The following NBAS variants were observed in gnomAD, a reference collection of about 807,000 sequenced individuals.
The protein encoded by NBAS is NBAS subunit of NRZ tethering complex.
In NBAS, 219 loss-of-function variants were observed where a neutral mutation model predicts 302.5. The observed-to-expected ratio is 0.72, with a 90% CI of 0.65 to 0.81. The LOEUF is 0.81. Among genes scored for constraint, NBAS ranks in the 30% least tolerant of loss-of-function variants. NBAS has a pLI of 0.00. For missense variants in NBAS, 2,932 were observed against 2,841.6 expected (o/e 1.03, Z -0.72); for synonymous variants, 1,118 against 1,021.6 (o/e 1.09, Z -1.80).
chr2:15,452,760 C>A (rs533385921), intron 21 of NBAS, among the ~76,000 whole-genome samples: 1 of 152,308 alleles, frequency 6.6e-6, no homozygotes, highest in African/African-American at 2.4e-5. Flanking sequence ...TGTTTACAGT[C>A]TGAGAAAGCC....
At chr2:15,160,592 A>AGGGGGGGGGGGGGGGGGGGGGG in the NBAS span, among the ~76,000 whole-genome samples, 1 of 56,490 alleles carries the variant, frequency 1.8e-5, no homozygotes, top group Non-Finnish European at 4.5e-5. Context: ...GGGCGGGGGG[A>AGGGGGGGGGGGGGGGGGGGGGG]GGGGGGGGGG....
the NBAS span, among the ~76,000 whole-genome samples, chr2:14,881,991 G>A: frequency 2.6e-5 from 4 of 152,120 alleles, no homozygotes; most frequent in Non-Finnish European, 5.9e-5. Flanking sequence ...GAAGAATAAT[G>A]TGTAAATGTC....
At chr2:14,923,909 G>A in the NBAS span, among the ~76,000 whole-genome samples, 25 of 152,192 alleles carry the variant, frequency 1.6e-4, no homozygotes, top group Non-Finnish European at 3.7e-4. Flanking sequence ...GGAAAAGGAC[G>A]CTGGAAGCAG....
At chr2:15,363,069 C>T (rs1674016323) in intron 32 of NBAS, among the ~76,000 whole-genome samples, 1 of 152,046 alleles carries the variant, frequency 6.6e-6, no homozygotes, top group Admixed American at 6.6e-5. Context: ...TAAACAAAAA[C>T]CCAAAAAACA....
chr2:15,397,439 A>C (rs1424336398), intron 26 of NBAS: 1 of 446,928 alleles, frequency 2.2e-6, no homozygotes, highest in Admixed American at 2.8e-5. Flanking sequence ...AGCTCCTTAC[A>C]TGGGCTTTGG....
At chr2:15,487,321 C>A (rs1460597257) in intron 12 of NBAS, among the ~76,000 whole-genome samples, 5 of 152,094 alleles carry the variant, frequency 3.3e-5, no homozygotes, top group African/African-American at 1.2e-4. Context: ...AGATATGAAA[C>A]ATGGACTTCA....
intron 38 of NBAS, among the ~76,000 whole-genome samples, chr2:15,319,463 G>T (rs1289198925): frequency 1.3e-5 from 2 of 151,694 alleles, no homozygotes; most frequent in Non-Finnish European, 2.9e-5. Flanking sequence ...CCAGGAGCTG[G>T]TTTTTTTAAA....
intron 21 of NBAS, among the ~76,000 whole-genome samples, chr2:15,444,977 G>A (rs12995352): frequency 0.61 from 86,185 of 141,456 alleles, 27,070 homozygotes; most frequent in Non-Finnish European, 0.67. Flanking sequence ...ACCAGTTAGA[G>A]TGGCAATCAT....
intron 35 of NBAS, among the ~76,000 whole-genome samples, chr2:15,348,754 T>C (rs1470704739): frequency 6.6e-6 from 1 of 151,618 alleles, no homozygotes; most frequent in Non-Finnish European, 1.5e-5. Flanking sequence ...TGACTGATCA[T>C]TATGCAGTTG....
chr2:14,796,743 G>A, the NBAS span, among the ~76,000 whole-genome samples: 1 of 151,790 alleles, frequency 6.6e-6, no homozygotes, highest in East Asian at 1.9e-4. Flanking sequence ...TTCTATTCCT[G>A]TTTGCCTGCT....
chr2:14,887,217 A>G, the NBAS span, among the ~76,000 whole-genome samples: 1 of 152,268 alleles, frequency 6.6e-6, no homozygotes, highest in African/African-American at 2.4e-5. Flanking sequence ...CAGCCTGGCC[A>G]ACATGGTGCA....
the NBAS span, among the ~76,000 whole-genome samples, chr2:14,882,981 T>C: frequency 1.8e-4 from 28 of 152,302 alleles, no homozygotes; most frequent in Non-Finnish European, 3.2e-4. Flanking sequence ...CCTGGTGATA[T>C]TTGCCCACAT....
chr2:15,271,453 C>T (rs1032556170), intron 44 of NBAS, among the ~76,000 whole-genome samples: 2 of 152,028 alleles, frequency 1.3e-5, no homozygotes, highest in African/African-American at 4.8e-5. Context: ...GAATCACAAA[C>T]GGTGGGAGTT....
chr2:15,296,450 T>C (rs761930715), intron 40 of NBAS, among the ~76,000 whole-genome samples: 2 of 151,772 alleles, frequency 1.3e-5, no homozygotes, highest in Admixed American at 1.3e-4. Flanking sequence ...CACTTTAACC[T>C]AGGAGGTGGA....
intron 50 of NBAS, among the ~76,000 whole-genome samples, chr2:15,183,877 T>G (rs1315034325): frequency 6.6e-6 from 1 of 152,188 alleles, no homozygotes; most frequent in African/African-American, 2.4e-5. Context: ...AAAAAACACT[T>G]AGCAATCACT....
At chr2:15,392,015 G>C (rs1224742187) in intron 28 of NBAS, among the ~76,000 whole-genome samples, 1 of 109,222 alleles carries the variant, frequency 9.2e-6, no homozygotes, top group Admixed American at 1.0e-4. Flanking sequence ...TGGCATCCTA[G>C]CACTACCAAA....
At chr2:15,142,119 C>T in the NBAS span, among the ~76,000 whole-genome samples, 2 of 152,160 alleles carry the variant, frequency 1.3e-5, no homozygotes, top group African/African-American at 4.8e-5. Context: ...CACTTCAGAA[C>T]GATGATATTC....
At chr2:15,102,389 C>T in the NBAS span, among the ~76,000 whole-genome samples, 1 of 152,210 alleles carries the variant, frequency 6.6e-6, no homozygotes, top group Non-Finnish European at 1.5e-5. Context: ...TCTGCCTCAT[C>T]CCAATTAGGC....
chr2:15,099,143 A>C, the NBAS span, among the ~76,000 whole-genome samples: 1 of 152,040 alleles, frequency 6.6e-6, no homozygotes. Context: ...TCTCTACTAA[A>C]AATACAAAAA....
Sources: allele counts gnomAD v4.1 joint callset (sites outside exome capture counted in the v4.1 genomes callset), GRCh38; gene constraint gnomAD v4.1.1; transcripts MANE v1.5; gene names NCBI Gene and HGNC (gene_info 2026-07-23, HGNC 2026-07-21).